Variants in FAM161A observed in about 807,000 individuals in gnomAD.
FAM161A encodes the protein FAM161 centrosomal protein A.
In FAM161A, 57 loss-of-function variants were observed where a neutral mutation model predicts 70.9. That is an observed-to-expected ratio of 0.80 (90% CI 0.65 to 1.00). The LOEUF (loss-of-function observed/expected upper bound fraction) is 1.00. Among genes scored for constraint, FAM161A ranks in the 50% least tolerant of loss-of-function variants. FAM161A has a pLI of 0.00. For missense variants in FAM161A, 880 were observed against 836.0 expected (o/e 1.05, Z -0.65); for synonymous variants, 299 against 295.7 (o/e 1.01, Z -0.12).
In FAM161A at chr2:61,827,324, G is replaced by A. The variant is rs1672406447; in HGVS notation, c.1852-66C>T. On this transcript the variant is annotated intron_variant, in intron 5 of 6. Transcript: ENST00000404929. The stretch of plus-strand genomic sequence containing the variant: ...TTTAAATTTTCATCAAAAATGTATA[G>A]ATTAGGCCAGGCGCGGTGGCTCACG... 1.9e-6 allele frequency: 3 copies of A among 1,551,918 alleles called. No individual in the cohort carries two copies. In the East Asian group the frequency reaches 6.8e-5, roughly 35 times the overall value.
At chr2:61,818,719 A>G in the FAM161A span, among the ~76,000 whole-genome samples, 1 of 152,224 alleles carries the variant, frequency 6.6e-6, no homozygotes, top group African/African-American at 2.4e-5. Context: ...AACACATAAT[A>G]GAATTAGAAA....
In FAM161A at chr2:61,853,859, C is replaced by T. The variant is rs773490021; in HGVS notation, c.183G>A (p.Ser61=). The T allele has an allele frequency of 1.9e-6, 3 of 1,613,916 alleles. No individual in the cohort carries two copies. The highest frequency in any genetic ancestry group is 1.7e-5 in the Admixed American group (1 of 60,032). The change falls in exon 1 of 7, where the codon TCG becomes TCA. Residue 61 remains serine, a splice_region_variant and synonymous_variant. Coordinates refer to ENST00000404929, the MANE Select transcript of FAM161A (RefSeq NM_001201543.2). Reference sequence around the variant, plus strand: ...AGCCCAAGTCCCGCCCCAGTATTACCGATGCCCCAGCGGGCTGAGCCACTT... The same window carrying T: ...AGCCCAAGTCCCGCCCCAGTATTACTGATGCCCCAGCGGGCTGAGCCACTT... ...EEKVAQPAGA[S]ADLNTSFSGV...
the FAM161A span, among the ~76,000 whole-genome samples, chr2:61,803,727 T>C: frequency 2.0e-5 from 3 of 152,172 alleles, no homozygotes; most frequent in East Asian, 5.8e-4. Flanking sequence ...GGCAGGAGAA[T>C]GGTGTGAACT....
chr2:61,853,031 C>T (rs1052926984), intron 1 of FAM161A, among the ~76,000 whole-genome samples: 2 of 150,840 alleles, frequency 1.3e-5, no homozygotes, highest in African/African-American at 4.9e-5. Flanking sequence ...CCTGCCTCAG[C>T]CTTCCGAGTA....
intron 4 of FAM161A, among the ~76,000 whole-genome samples, chr2:61,837,677 G>A (rs1445228678): frequency 6.6e-6 from 1 of 152,168 alleles, no homozygotes; most frequent in Non-Finnish European, 1.5e-5. Flanking sequence ...GCTGAGGCAG[G>A]AGAATCGCTT....
chr2:61,810,211 G>A, the FAM161A span, among the ~76,000 whole-genome samples: 1 of 152,180 alleles, frequency 6.6e-6, no homozygotes, highest in Non-Finnish European at 1.5e-5. Flanking sequence ...AAGCACAAGT[G>A]AGGAAATAAT....
chr2:61,815,437 C>T, the FAM161A span, among the ~76,000 whole-genome samples: 1 of 151,370 alleles, frequency 6.6e-6, no homozygotes, highest in Non-Finnish European at 1.5e-5. Context: ...TGTGTTGCCC[C>T]AGGAAAGTGC....
the FAM161A span, among the ~76,000 whole-genome samples, chr2:61,810,244 G>T: frequency 6.6e-5 from 10 of 152,108 alleles, no homozygotes; most frequent in Admixed American, 6.6e-4. Flanking sequence ...GAGAAAGGAG[G>T]AGAGTTAATA....
At chr2:61,827,609 C>CAAAA (rs71644452) in intron 5 of FAM161A, among the ~76,000 whole-genome samples, 9 of 107,866 alleles carry the variant, frequency 8.3e-5, no homozygotes, top group African/African-American at 1.9e-4. Context: ...GACTCTGTCT[C>CAAAA]AAAAAAAAAA....
the FAM161A span, among the ~76,000 whole-genome samples, chr2:61,813,523 G>T: frequency 1.4e-4 from 21 of 146,872 alleles, no homozygotes; most frequent in African/African-American, 4.8e-4. Flanking sequence ...AATCCAGCCT[G>T]GGTGACACAG....
chr2:61,845,982 AG>A (rs1673194853), intron 1 of FAM161A, among the ~76,000 whole-genome samples: 1 of 150,824 alleles, frequency 6.6e-6, no homozygotes, highest in Admixed American at 6.7e-5. Flanking sequence ...CCAGCTACTC[AG>A]GGGACAGAGG....
At chr2:61,834,876 C>CA (rs1463069488) in intron 5 of FAM161A, among the ~76,000 whole-genome samples, 3 of 151,880 alleles carry the variant, frequency 2.0e-5, no homozygotes, top group Admixed American at 6.6e-5. Context: ...AGAGCAAAAA[C>CA]AAAAAACTTG....
chr2:61,806,966 A>G, the FAM161A span, among the ~76,000 whole-genome samples: 60 of 152,258 alleles, frequency 3.9e-4, no homozygotes, highest in African/African-American at 1.4e-3. Context: ...TGCTGGGATT[A>G]CAGGCGTGAG....
rs1005066931 is a variant in FAM161A at position 61,824,939 on chromosome 2, A to C, written c.*1516T>G. 4.4e-5 allele frequency: 20 copies of C among 452,582 alleles called. No individual in the cohort carries two copies. The highest frequency in any genetic ancestry group is 1.2e-4 in the African/African-American group (6 of 49,894). The allele number at this position is 452,582 out of a possible 1,614,324, so 28.0% of individuals were successfully genotyped here. ...TAAGGGAATACAAAGATGAATTTTT[A>C]AATGGTGCCAAATCCCAAGGAGTTT... On this transcript the variant is annotated 3_prime_UTR_variant, in exon 7 of 7. Transcript: ENST00000404929.
At chr2:61,847,273 C>T (rs1019879713) in intron 1 of FAM161A, among the ~76,000 whole-genome samples, 7 of 152,176 alleles carry the variant, frequency 4.6e-5, no homozygotes, top group Non-Finnish European at 1.0e-4. Context: ...CTTGCTCACT[C>T]CTTCAGGTCT....
the FAM161A span, among the ~76,000 whole-genome samples, chr2:61,819,694 T>G: frequency 6.6e-6 from 1 of 152,170 alleles, no homozygotes; most frequent in Non-Finnish European, 1.5e-5. Context: ...CCATGAAGTG[T>G]TGCAGTTCCT....
chr2:61,807,543 G>A, the FAM161A span, among the ~76,000 whole-genome samples: 19 of 151,064 alleles, frequency 1.3e-4, no homozygotes, highest in African/African-American at 4.6e-4. Context: ...GATGCTTGCT[G>A]GGCCAATCCC....
In FAM161A at chr2:61,839,851, G is replaced by C. The variant is rs139266382; in HGVS notation, c.1153C>G (p.Gln385Glu). 7,401 of 1,614,218 alleles carry C rather than the reference G, an allele frequency of 4.6e-3. 22 individuals are homozygous for C. Among genetic ancestry groups the C allele is most frequent in the Non-Finnish European group, 5.8e-3 (6,815 of 1,180,034 alleles). Residue 385 changes from glutamine to glutamate, a missense_variant, in exon 3 of 7, where the codon CAG becomes GAG. Gln to Glu is a conservative substitution (Grantham distance 29, BLOSUM62 2). Transcript: ENST00000404929. ...EEELYRNLRT[Q>E]LRAQEHLQNS... ...TGTAAATGCTCCTGGGCTCTCAGCT[G>C]TGTCCTAAGGTTTCGATAGAGCTCT...
At chr2:61,853,402 G>A (rs1387020757) in intron 1 of FAM161A, among the ~76,000 whole-genome samples, 1 of 152,216 alleles carries the variant, frequency 6.6e-6, no homozygotes, top group Non-Finnish European at 1.5e-5. Flanking sequence ...GATTTAGCCA[G>A]TGAACACGTG....
Sources: gnomAD v4.1 joint callset for allele counts (sites outside exome capture counted in the v4.1 genomes callset) on GRCh38, gnomAD v4.1.1 for gene constraint, MANE v1.5 for transcripts, NCBI Gene and HGNC (gene_info 2026-07-23, HGNC 2026-07-21) for gene names.